Variants in RPS6KA2 observed in about 807,000 individuals in gnomAD.
RPS6KA2 encodes the protein ribosomal protein S6 kinase A2.
In RPS6KA2, 42 loss-of-function variants were observed where a neutral mutation model predicts 91.8. The observed-to-expected ratio is 0.46, with a 90% CI of 0.36 to 0.59. The LOEUF is 0.59. Ranked by LOEUF, RPS6KA2 falls within the 20% of genes least tolerant of loss-of-function variation. The probability of loss-of-function intolerance (pLI) is 0.00; values close to 1 mark genes in which losing one functional copy is unlikely to be tolerated. For synonymous variants in RPS6KA2, 414 were observed against 393.6 expected (o/e 1.05, Z -0.61); for missense variants, 798 against 978.5 (o/e 0.82, Z 2.46).
rs1189443939 is a variant in RPS6KA2 at position 166,520,660 on chromosome 6, A to C, written c.299-10303T>G. ...ATGGGTAATGGGTAGAGGTTGGAAG[A>C]GTTCTGAGATACAGCTAGAAAAGGC... On this transcript the variant is annotated intron_variant, in intron 3 of 20. Coordinates refer to ENST00000265678, the MANE Select transcript of RPS6KA2 (RefSeq NM_021135.6). Among the ~76,000 whole-genome samples the C allele has an allele frequency of 2.6e-5, 4 of 152,230 alleles. No individual in the cohort carries two copies. In the East Asian group the frequency reaches 5.8e-4, roughly 22 times the overall value.
At chr6:166,451,016 G>A (rs1464405333) in intron 13 of RPS6KA2, 87 bp downstream of exon 13, 16 of 1,535,014 alleles carry the variant, frequency 1.0e-5, no homozygotes, top group South Asian at 2.3e-5. Flanking sequence ...CCCAACCCCC[G>A]GGTGACTGAG....
chr6:166,669,170 A>G (rs1260509014), intron 2 of RPS6KA2, among the ~76,000 whole-genome samples: 1 of 152,142 alleles, frequency 6.6e-6, no homozygotes, highest in African/African-American at 2.4e-5. Flanking sequence ...CTGGGATTAC[A>G]GGCATGAGCC....
intron 1 of RPS6KA2, among the ~76,000 whole-genome samples, chr6:166,600,195 C>G: frequency 6.6e-6 from 1 of 152,140 alleles, no homozygotes; most frequent in South Asian, 2.1e-4. Context: ...GTTTTTAGTA[C>G]AGACAAGGTC....
At position 166,533,390 on chromosome 6, in the gene RPS6KA2, G is replaced by A. The variant is rs184190388; in HGVS notation, c.217-2077C>T. ...AAGGCTGCGTGAGCGTCCCGGTGCCGGAGAGGCCGCACTGGCAGAGAGGAA... is the reference window on the plus strand; with the variant it reads ...AAGGCTGCGTGAGCGTCCCGGTGCCAGAGAGGCCGCACTGGCAGAGAGGAA... On this transcript the variant is annotated intron_variant, in intron 2 of 20. Coordinates refer to ENST00000265678, the MANE Select transcript of RPS6KA2 (RefSeq NM_021135.6). The surrounding 1 kb of genome is among the most constrained non-coding windows in gnomAD (Gnocchi z 4.0). Among the ~76,000 whole-genome samples, 749 of 152,368 alleles carry A rather than the reference G, an allele frequency of 4.9e-3. No individual in the cohort carries two copies. Among genetic ancestry groups the A allele is most frequent in the Admixed American group, 8.8e-3 (135 of 15,312 alleles).
chr6:166,560,913 G>A (rs771389709), intron 1 of RPS6KA2, among the ~76,000 whole-genome samples: 2 of 150,204 alleles, frequency 1.3e-5, no homozygotes, highest in Non-Finnish European at 2.9e-5. Context: ...TCCTTTTGGG[G>A]CGTATTTCTT....
intron 2 of RPS6KA2, among the ~76,000 whole-genome samples, chr6:166,762,299 A>G (rs1178131241): frequency 6.6e-6 from 1 of 152,136 alleles, no homozygotes; most frequent in East Asian, 1.9e-4. Context: ...CCGCTCAGCC[A>G]TGTCAGCTCA....
upstream of RPS6KA2, among the ~76,000 whole-genome samples, chr6:166,629,630 G>A (rs76308348): frequency 0.017 from 2,564 of 152,220 alleles, 47 homozygotes; most frequent in South Asian, 0.062. Context: ...CACTGTAACC[G>A]AAATCCAAAT....
intron 1 of RPS6KA2, among the ~76,000 whole-genome samples, chr6:166,552,753 A>T (rs1350425171): frequency 6.6e-6 from 1 of 152,178 alleles, no homozygotes; most frequent in Non-Finnish European, 1.5e-5. Flanking sequence ...TGGTTAGGAA[A>T]CCCATGCATC....
chr6:166,680,793 C>G (rs1788778830), intron 2 of RPS6KA2, among the ~76,000 whole-genome samples: 2 of 152,344 alleles, frequency 1.3e-5, no homozygotes, highest in South Asian at 4.1e-4. Flanking sequence ...TCACTAGGGT[C>G]TGTGGCTTCA....
At position 166,498,745 on chromosome 6, in the gene RPS6KA2, C is replaced by T. The variant is rs530969575; in HGVS notation, c.605-95G>A. The T allele has an allele frequency of 3.9e-4, 590 of 1,497,144 alleles. 7 individuals are homozygous for T. The South Asian group carries it at 6.6e-3, about 17-fold the overall frequency. 92.7% of individuals were successfully genotyped at this position (1,497,144 alleles called of 1,614,324 possible). On this transcript the variant is annotated intron_variant, in intron 7 of 20. Transcript: ENST00000265678. ...CATCAGCGTCCTTCTGTGGGCTCTGCCCCCTCTCCAGGTGGGCGCAGCAGA... is the reference window on the plus strand; with the variant it reads ...CATCAGCGTCCTTCTGTGGGCTCTGTCCCCTCTCCAGGTGGGCGCAGCAGA...
chr6:166,704,106 C>T (rs548878282), intron 2 of RPS6KA2, among the ~76,000 whole-genome samples: 4 of 152,242 alleles, frequency 2.6e-5, no homozygotes, highest in Admixed American at 6.5e-5. Flanking sequence ...GAGTTATATC[C>T]GGAAAAGAAC....
At chr6:166,511,953 C>CA (rs1562546736) in intron 3 of RPS6KA2, among the ~76,000 whole-genome samples, 1 of 151,888 alleles carries the variant, frequency 6.6e-6, no homozygotes, top group Non-Finnish European at 1.5e-5. Context: ...GATACACATC[C>CA]AAAAAAACTG....
At chr6:166,569,204 C>T (rs1267729834) in intron 1 of RPS6KA2, among the ~76,000 whole-genome samples, 1 of 152,232 alleles carries the variant, frequency 6.6e-6, no homozygotes, top group African/African-American at 2.4e-5. Context: ...CTTCAACCCA[C>T]AGGGGCTGAG....
At chr6:166,838,935 G>A (rs965292850) in intron 2 of RPS6KA2, among the ~76,000 whole-genome samples, 1 of 152,212 alleles carries the variant, frequency 6.6e-6, no homozygotes, top group African/African-American at 2.4e-5. Context: ...ATGTGGCCAT[G>A]GAGGTCGGGA....
At chr6:166,484,991 C>A (rs1212108200) in intron 10 of RPS6KA2, among the ~76,000 whole-genome samples, 1 of 152,238 alleles carries the variant, frequency 6.6e-6, no homozygotes, top group Non-Finnish European at 1.5e-5. Context: ...TCATCAACAG[C>A]ACCGTGCCGG....
chr6:166,480,175 C>G (rs1044209275), intron 10 of RPS6KA2, among the ~76,000 whole-genome samples: 7 of 151,996 alleles, frequency 4.6e-5, no homozygotes, highest in South Asian at 4.2e-4. Context: ...CCCCTTCACC[C>G]GGAAGTTGGG....
chr6:166,491,574 C>T (rs562362575), intron 8 of RPS6KA2, among the ~76,000 whole-genome samples: 2 of 152,332 alleles, frequency 1.3e-5, no homozygotes, highest in East Asian at 1.9e-4. Context: ...CAATCCTACT[C>T]GGTGTCTTTC....
At chr6:166,617,290 A>G (rs1448911565) in intron 1 of RPS6KA2, among the ~76,000 whole-genome samples, 3 of 152,222 alleles carry the variant, frequency 2.0e-5, no homozygotes, top group Non-Finnish European at 4.4e-5. Context: ...GCATTAATAC[A>G]TGTGGAAATC....
intron 3 of RPS6KA2, among the ~76,000 whole-genome samples, chr6:166,522,607 G>A (rs529197382): frequency 3.4e-4 from 51 of 152,210 alleles, no homozygotes; most frequent in Non-Finnish European, 6.6e-4. Context: ...CCCCCACTGC[G>A]CGGCCATTGC....
Sources: gnomAD v4.1 joint callset for allele counts (sites outside exome capture counted in the v4.1 genomes callset) on GRCh38, gnomAD v4.1.1 for gene constraint, Gnocchi (gnomAD v3.1) non-coding constraint, MANE v1.5 for transcripts, NCBI Gene and HGNC (gene_info 2026-07-23, HGNC 2026-07-21) for gene names.